The following CCDC174 variants were observed in gnomAD, a reference collection of about 807,000 sequenced individuals.
CCDC174 encodes coiled-coil domain containing 174.
In CCDC174, 37 loss-of-function variants were observed where a neutral mutation model predicts 57.1. That is an observed-to-expected ratio of 0.65 (90% CI 0.50 to 0.85). The LOEUF is 0.85. Ranked by LOEUF, CCDC174 falls within the 40% of genes least tolerant of loss-of-function variation. CCDC174 has a pLI of 0.00. For synonymous variants in CCDC174, 182 were observed against 190.2 expected, an observed-to-expected ratio of 0.96 and a Z score of 0.35; for missense variants, 540 against 574.3, an observed-to-expected ratio of 0.94 and a Z score of 0.61.
intron 5 of CCDC174, among the ~76,000 whole-genome samples, chr3:14,663,393 T>C (rs1273924855): frequency 1.3e-5 from 2 of 152,250 alleles, no homozygotes; most frequent in Non-Finnish European, 2.9e-5. Context: ...TATTACCTTT[T>C]ATTTATTACT....
In CCDC174 at chr3:14,667,122, GAATATCTTCCTGACAGAGGGTCTGGT is replaced by G. The variant is rs1249222576; in HGVS notation, c.724+179_724+204del. On this transcript the variant is annotated intron_variant, in intron 7 of 10. Transcript: ENST00000383794. ...ATAGCCTTAAAATACTCACATTTGG[GAATATCTTCCTGACAGAGGGTCTGGT>G]AATCCAAGGGATTGTTCCCTGAGAG... 6 of 649,226 alleles carry G rather than the reference GAATATCTTCCTGACAGAGGGTCTGGT, an allele frequency of 9.2e-6. No homozygotes were observed. The African/African-American group carries it at 1.1e-4, about 12-fold the overall frequency. 40.2% of individuals were successfully genotyped at this position (649,226 alleles called of 1,614,324 possible).
chr3:14,665,171 C>T, intron 6 of CCDC174, 48 bp downstream of exon 6: 1 of 1,312,894 alleles, frequency 7.6e-7, no homozygotes, highest in Non-Finnish European at 1.1e-6. Context: ...GAAATGCAGC[C>T]ACAGGGATTG....
chr3:14,671,140 A>C lies in CCDC174; in HGVS notation c.1350A>C (p.Thr450=), dbSNP rs139802337. 1.5e-4 allele frequency: 236 copies of C among 1,613,736 alleles called. 3 individuals are homozygous for C. In the South Asian group the frequency reaches 2.0e-3, roughly 14 times the overall value. The change falls in exon 11 of 11, where the codon ACA becomes ACC. Residue 450 remains threonine (T), a synonymous_variant. Coordinates refer to ENST00000383794, the MANE Select transcript of CCDC174 (RefSeq NM_016474.5). ...PAPDNPPQAP[T]VTFKTLDDMI... Reference sequence around the variant, plus strand: ...CCGACAACCCACCACAAGCCCCCACAGTTACTTTCAAAACTCTGGATGACA... The same window carrying C: ...CCGACAACCCACCACAAGCCCCCACCGTTACTTTCAAAACTCTGGATGACA...
intron 9 of CCDC174, among the ~76,000 whole-genome samples, chr3:14,668,656 C>T (rs939523138): frequency 4.0e-5 from 6 of 148,850 alleles, no homozygotes; most frequent in African/African-American, 1.2e-4. Flanking sequence ...ACTTGGAGCA[C>T]GGTTCCCCTT....
At chr3:14,656,077 G>A (rs183627794) in intron 3 of CCDC174, among the ~76,000 whole-genome samples, 3 of 151,972 alleles carry the variant, frequency 2.0e-5, no homozygotes, top group Non-Finnish European at 2.9e-5. Context: ...ACACACACAC[G>A]CGTGTGTAGA....
At position 14,670,091 on chromosome 3, in the gene CCDC174, G is replaced by A; in HGVS notation, c.1105+5G>A. ...GGGAGTGGGACCGCGGAAAAGGTAA[G>A]GGAGGTGGGCTCTGAGGTGTAAGAA... On this transcript the variant is annotated splice_donor_5th_base_variant and intron_variant, in intron 10 of 10. Transcript: ENST00000383794. The A allele has an allele frequency of 6.2e-7, 1 of 1,606,184 alleles. No individual in the cohort carries two copies. The highest frequency in any genetic ancestry group is 8.5e-7 in the Non-Finnish European group (1 of 1,177,934).
Position 14,666,680 on chromosome 3 carries a change from A to G in CCDC174, c.582-125A>G, listed in dbSNP as rs990066287. On this transcript the variant is annotated intron_variant, in intron 6 of 10. Coordinates refer to ENST00000383794, the MANE Select transcript of CCDC174 (RefSeq NM_016474.5). ...TTTTCCAGCAGTCTTGTGGGTCAGAAGCCTCTGTAGTTCCCTGTTTTCTTT... is the reference window on the plus strand; with the variant it reads ...TTTTCCAGCAGTCTTGTGGGTCAGAGGCCTCTGTAGTTCCCTGTTTTCTTT... 4.1e-6 allele frequency: 3 copies of G among 726,748 alleles called. No homozygotes were observed. In the African/African-American group the frequency reaches 5.5e-5, roughly 13 times the overall value. The allele number at this position is 726,748 out of a possible 1,614,324, so 45.0% of individuals were successfully genotyped here. A position where few individuals can be genotyped will look rare whatever the true frequency, so the allele number is the denominator to read the frequency against.
In CCDC174 at chr3:14,662,193, G is replaced by C. The variant is rs79875802; in HGVS notation, c.485+486G>C. 9.3e-3 allele frequency among the ~76,000 whole-genome samples: 1,418 copies of C among 151,944 alleles called. 29 individuals are homozygous for C. Among genetic ancestry groups the C allele is most frequent in the African/African-American group, 0.032 (1,335 of 41,438 alleles). On this transcript the variant is annotated intron_variant, in intron 5 of 10. Coordinates refer to ENST00000383794, the MANE Select transcript of CCDC174 (RefSeq NM_016474.5). Reference sequence around the variant, plus strand: ...TTGTTTGGCACTGTGGTGTGGACTCGTGGGCCTTGGATGGTTCCATCTGCA... The same window carrying C: ...TTGTTTGGCACTGTGGTGTGGACTCCTGGGCCTTGGATGGTTCCATCTGCA...
intron 9 of CCDC174, among the ~76,000 whole-genome samples, chr3:14,668,576 T>G (rs17040075): frequency 0.016 from 2,410 of 152,326 alleles, 47 homozygotes; most frequent in African/African-American, 0.055. Context: ...TAAAAGAATT[T>G]AGAAATATGA....
At chr3:14,668,320 G>A (rs547239122) in intron 9 of CCDC174, 139 bp downstream of exon 9, 10 of 773,660 alleles carry the variant, frequency 1.3e-5, no homozygotes, top group South Asian at 1.3e-4. Context: ...GGTACTGGCA[G>A]GAGCAATTTT....
chr3:14,656,086 G>T (rs1259705976), intron 3 of CCDC174, among the ~76,000 whole-genome samples: 1 of 152,146 alleles, frequency 6.6e-6, no homozygotes, highest in Non-Finnish European at 1.5e-5. Flanking sequence ...CGCGTGTGTA[G>T]AGAGACTTTA....
intron 4 of CCDC174, 133 bp from the exon 5 acceptor site, chr3:14,661,397 T>C (rs2031129825): frequency 2.9e-6 from 2 of 685,828 alleles, no homozygotes; most frequent in East Asian, 2.6e-5. Flanking sequence ...TTGTAAACAT[T>C]TGGGGAGTGG....
At position 14,651,828 on chromosome 3, in the gene CCDC174, G is replaced by C. The variant is rs372643879; in HGVS notation, c.-9G>C. 6.2e-7 allele frequency: 1 copy of C among 1,614,152 alleles called. No homozygotes were observed. Among genetic ancestry groups the C allele is most frequent in the Admixed American group, 1.7e-5 (1 of 60,028 alleles). On this transcript the variant is annotated 5_prime_UTR_variant, in exon 1 of 11. Transcript: ENST00000383794. ...GGTCCTTCCTGGACCGGGACCCTCT[G>C]CCACGACCATGGACCGTAGGAAAAA...
chr3:14,659,800 A>T (rs1432979273), intron 4 of CCDC174, among the ~76,000 whole-genome samples: 2 of 152,218 alleles, frequency 1.3e-5, no homozygotes, highest in African/African-American at 4.8e-5. Context: ...AGGGAGAGTG[A>T]ATATGTAATC....
At chr3:14,661,033 AC>A (rs1167806668) in intron 4 of CCDC174, among the ~76,000 whole-genome samples, 1 of 152,204 alleles carries the variant, frequency 6.6e-6, no homozygotes, top group African/African-American at 2.4e-5. Flanking sequence ...CATTGGCTTG[AC>A]AAGAACTCAG....
At chr3:14,661,795 C>A in intron 5 of CCDC174, 88 bp downstream of exon 5, 1 of 1,168,308 alleles carries the variant, frequency 8.6e-7, no homozygotes, top group East Asian at 2.4e-5. Context: ...GTTATCGAGC[C>A]ATTTCTCTTT....
Position 14,651,766 on chromosome 3 carries a change from C to T in CCDC174, c.-71C>T. ...CTGTCGAAGACACTTCCGGTTGCGA[C>T]GGAGGTAGGCTTACGAGGCCTGTGT... On this transcript the variant is annotated 5_prime_UTR_variant, in exon 1 of 11. It adds an upstream start codon to the 5' untranslated region. Transcript: ENST00000383794. The T allele has an allele frequency of 6.0e-6, 9 of 1,512,268 alleles. 1 individual carries two copies. The South Asian group carries it at 1.0e-4, about 17-fold the overall frequency. The allele number at this position is 1,512,268 out of a possible 1,614,324, so 93.7% of individuals were successfully genotyped here. A position where few individuals can be genotyped will look rare whatever the true frequency, so the allele number is the denominator to read the frequency against.
Position 14,668,115 on chromosome 3 carries a change from C to G in CCDC174, c.886C>G (p.Leu296Val), listed in dbSNP as rs1401671809. ...EKRKAILEARLAKLRQKKMKK... is the reference protein window; with the variant it reads ...EKRKAILEARVAKLRQKKMKK... ...GCGAAAGGCTATCTTAGAGGCAAGA[C>G]TTGCCAAACTTCGACAAAAAAAGAT... Residue 296 changes from leucine (L) to valine (V), a missense_variant, in exon 9 of 11, where the codon CTT becomes GTT. Physicochemically the swap from Leu to Val is conservative, Grantham distance 32 (BLOSUM62 1). Coordinates refer to ENST00000383794, the MANE Select transcript of CCDC174 (RefSeq NM_016474.5). 6.2e-7 allele frequency: 1 copy of G among 1,610,368 alleles called. No homozygotes were observed. The highest frequency in any genetic ancestry group is 8.5e-7 in the Non-Finnish European group (1 of 1,178,324).
chr3:14,658,207 T>A (rs1009532613), intron 3 of CCDC174, among the ~76,000 whole-genome samples: 2 of 152,252 alleles, frequency 1.3e-5, no homozygotes, highest in Admixed American at 1.3e-4. Context: ...GGACTTTTTC[T>A]TGTTCCTGTG....
Sources: gnomAD v4.1 joint callset for allele counts (sites outside exome capture counted in the v4.1 genomes callset) on GRCh38, gnomAD v4.1.1 for gene constraint, MANE v1.5 for transcripts, NCBI Gene and HGNC (gene_info 2026-07-23, HGNC 2026-07-21) for gene names.